The following ADGRA3 variants were observed in gnomAD, a reference collection of about 807,000 sequenced individuals.
The protein encoded by ADGRA3 is adhesion G protein-coupled receptor A3.
A neutral mutation model predicts 119.8 loss-of-function variants in ADGRA3; 56 were observed. The observed-to-expected ratio is 0.47, with a 90% CI of 0.38 to 0.58. The LOEUF (loss-of-function observed/expected upper bound fraction) is 0.58. Among genes scored for constraint, ADGRA3 ranks in the 20% least tolerant of loss-of-function variants. The pLI, the probability that ADGRA3 is intolerant of heterozygous loss-of-function variation, is 0.00. For missense variants in ADGRA3, 1,516 were observed against 1,649.0 expected (o/e 0.92, Z 1.40); for synonymous variants, 607 against 623.8 (o/e 0.97, Z 0.40).
At chr4:22,479,427 C>T (rs1188773603) in intron 1 of ADGRA3, among the ~76,000 whole-genome samples, 3 of 151,124 alleles carry the variant, frequency 2.0e-5, no homozygotes, top group Non-Finnish European at 4.4e-5. Context: ...CACGCCACTG[C>T]ACTCCAGCCT....
At chr4:22,510,574 T>G (rs1235356932) in intron 1 of ADGRA3, among the ~76,000 whole-genome samples, 1 of 151,914 alleles carries the variant, frequency 6.6e-6, no homozygotes, top group East Asian at 1.9e-4. Flanking sequence ...GGCCTGTGTT[T>G]GAAATACCAC....
At chr4:22,495,571 G>A (rs1718787789) in intron 1 of ADGRA3, among the ~76,000 whole-genome samples, 1 of 152,028 alleles carries the variant, frequency 6.6e-6, no homozygotes, top group South Asian at 2.1e-4. Context: ...GTGACTTCCA[G>A]AAAGCAAAGT....
intron 17 of ADGRA3, 103 bp downstream of exon 17, chr4:22,392,442 G>A (rs1049941004): frequency 6.3e-5 from 87 of 1,390,700 alleles, no homozygotes; most frequent in Non-Finnish European, 7.7e-5. Context: ...ATACAAGTCC[G>A]TTCTTTTACT....
chr4:22,427,382 C>T lies in ADGRA3; in HGVS notation c.1444-3030G>A, dbSNP rs201852088. On this transcript the variant is annotated intron_variant, in intron 10 of 18. Transcript: ENST00000334304. ...ACGTCATCTTTCTTGAAAAATTCAT[C>T]ATTATTACATGATCAAAGAACTACT... Among the ~76,000 whole-genome samples, 1,319 of 151,918 alleles carry T rather than the reference C, an allele frequency of 8.7e-3. 20 individuals are homozygous for T. The highest frequency in any genetic ancestry group is 0.044 in the East Asian group (228 of 5,166).
chr4:22,512,026 T>C (rs564513161), intron 1 of ADGRA3, among the ~76,000 whole-genome samples: 121 of 149,292 alleles, frequency 8.1e-4, no homozygotes, highest in Admixed American at 3.5e-3. Flanking sequence ...TCAGTCTCCC[T>C]AGTAGCTGGG....
At chr4:22,459,738 T>A (rs147969562) in intron 3 of ADGRA3, among the ~76,000 whole-genome samples, 1 of 152,096 alleles carries the variant, frequency 6.6e-6, no homozygotes, top group Non-Finnish European at 1.5e-5. Flanking sequence ...ACCAAAAGGA[T>A]GACTATAAGG....
chr4:22,473,890 A>C, intron 1 of ADGRA3, 47 bp from the exon 2 acceptor site: 1 of 1,091,868 alleles, frequency 9.2e-7, no homozygotes, highest in Non-Finnish European at 1.4e-6. Flanking sequence ...TACACTACCA[A>C]TATCAAAGTA....
chr4:22,469,213 C>A (rs1422225764), intron 2 of ADGRA3, among the ~76,000 whole-genome samples: 1 of 152,170 alleles, frequency 6.6e-6, no homozygotes, highest in Non-Finnish European at 1.5e-5. Context: ...CACCCTCAAC[C>A]CACAGAGAGC....
At chr4:22,488,057 C>A (rs950512908) in intron 1 of ADGRA3, among the ~76,000 whole-genome samples, 1 of 152,098 alleles carries the variant, frequency 6.6e-6, no homozygotes, top group South Asian at 2.1e-4. Context: ...CCTGCTCTGA[C>A]CTTCAGTGCC....
chr4:22,411,509 G>C (rs1474709023), intron 14 of ADGRA3, among the ~76,000 whole-genome samples: 1 of 152,144 alleles, frequency 6.6e-6, no homozygotes, highest in African/African-American at 2.4e-5. Flanking sequence ...TGAGGTAAGA[G>C]AATCACCTGA....
At chr4:22,450,106 T>A (rs1716979922) in intron 4 of ADGRA3, among the ~76,000 whole-genome samples, 1 of 152,078 alleles carries the variant, frequency 6.6e-6, no homozygotes, top group African/African-American at 2.4e-5. Flanking sequence ...AACATTACAA[T>A]CGCAGTCTAG....
intron 16 of ADGRA3, among the ~76,000 whole-genome samples, chr4:22,399,689 C>G (rs750298826): frequency 1.3e-5 from 2 of 152,160 alleles, no homozygotes; most frequent in African/African-American, 4.8e-5. Context: ...GCCAATTTAT[C>G]TCTGCCTACT....
chr4:22,392,157 T>C (rs564516384), intron 17 of ADGRA3, among the ~76,000 whole-genome samples: 2 of 152,324 alleles, frequency 1.3e-5, no homozygotes, highest in South Asian at 4.1e-4. Flanking sequence ...AGTCTTCTTG[T>C]CCTTTGCATA....
chr4:22,414,904 G>A (rs1179738597), intron 12 of ADGRA3, among the ~76,000 whole-genome samples: 4 of 152,222 alleles, frequency 2.6e-5, no homozygotes, highest in Middle Eastern at 6.8e-3. Context: ...AACGGAAAGT[G>A]GATTAGAATG....
At chr4:22,401,406 A>G (rs771797277) in intron 16 of ADGRA3, 25 bp downstream of exon 16, 2 of 1,566,082 alleles carry the variant, frequency 1.3e-6, no homozygotes, top group Non-Finnish European at 1.7e-6. Context: ...AATTTTTTCC[A>G]TTTCGGTTTT....
At chr4:22,507,157 G>A (rs539917149) in intron 1 of ADGRA3, among the ~76,000 whole-genome samples, 172 of 152,026 alleles carry the variant, frequency 1.1e-3, no homozygotes, top group African/African-American at 3.8e-3. Context: ...GGGGAATGGC[G>A]TGAACCCAGG....
chr4:22,475,148 T>C (rs2109123680), intron 1 of ADGRA3, among the ~76,000 whole-genome samples: 1 of 152,294 alleles, frequency 6.6e-6, no homozygotes, highest in Middle Eastern at 3.4e-3. Flanking sequence ...TCTATCCCTT[T>C]CAAGTTATGT....
chr4:22,432,544 A>G (rs1051016327), intron 10 of ADGRA3, among the ~76,000 whole-genome samples: 5 of 152,230 alleles, frequency 3.3e-5, no homozygotes, highest in African/African-American at 1.2e-4. Flanking sequence ...TAAGGCGCAT[A>G]TCGCACTCAC....
At chr4:22,442,236 T>C (rs1232577825) in intron 7 of ADGRA3, among the ~76,000 whole-genome samples, 1 of 152,152 alleles carries the variant, frequency 6.6e-6, no homozygotes, top group Non-Finnish European at 1.5e-5. Flanking sequence ...TTATATTCTT[T>C]TATACTAGTA....
Sources: gnomAD v4.1 joint callset for allele counts (sites outside exome capture counted in the v4.1 genomes callset) on GRCh38, gnomAD v4.1.1 for gene constraint, MANE v1.5 for transcripts, NCBI Gene and HGNC (gene_info 2026-07-23, HGNC 2026-07-21) for gene names.